The following AFF3 variants were observed in gnomAD, a reference collection of about 807,000 sequenced individuals.
AFF3 encodes the protein AF4/FMR2 family member 3.
Under a neutral mutation model 129.7 loss-of-function variants are expected in AFF3, and 32 were observed. The observed-to-expected ratio is 0.25, with a 90% CI of 0.19 to 0.33. The LOEUF is 0.33. Among genes scored for constraint, AFF3 ranks in the 10% least tolerant of loss-of-function variants. The probability of loss-of-function intolerance (pLI) is 1.00; values close to 1 mark genes in which losing one functional copy is unlikely to be tolerated. For missense variants in AFF3, 1,373 were observed against 1,592.0 expected (o/e 0.86, Z 2.34); for synonymous variants, 644 against 635.4 (o/e 1.01, Z -0.20).
rs1435456796 is a variant in AFF3 at position 99,551,244 on chromosome 2, A to G, written c.*230T>C. 4 of 592,100 alleles carry G rather than the reference A, an allele frequency of 6.8e-6. No homozygotes were observed. The highest frequency in any genetic ancestry group is 1.2e-5 in the Non-Finnish European group (4 of 340,486). 36.7% of individuals were successfully genotyped at this position (592,100 alleles called of 1,614,324 possible). On this transcript the variant is annotated 3_prime_UTR_variant, in exon 25 of 25. Transcript: ENST00000672756. ...TAGCCTGGGATTATGGAAACTAGAC[A>G]AAGAAGGTGTGTTCTGAAGAGCTGT...
chr2:100,041,775 C>T (rs1440363562), intron 4 of AFF3, among the ~76,000 whole-genome samples: 1 of 152,196 alleles, frequency 6.6e-6, no homozygotes, highest in Non-Finnish European at 1.5e-5. Context: ...TTCATTGACT[C>T]ATTTTGCATA....
At chr2:99,963,602 G>A (rs1197607034) in intron 7 of AFF3, among the ~76,000 whole-genome samples, 3 of 151,430 alleles carry the variant, frequency 2.0e-5, no homozygotes, top group South Asian at 2.1e-4. Flanking sequence ...ACTAAGAAAA[G>A]TATACAAATA....
At chr2:99,786,346 C>T (rs976673036) in intron 8 of AFF3, among the ~76,000 whole-genome samples, 4 of 152,126 alleles carry the variant, frequency 2.6e-5, no homozygotes, top group African/African-American at 9.7e-5. Context: ...ACCATCAGTC[C>T]GCACACACTA....
chr2:99,713,268 A>AT (rs3073380), intron 11 of AFF3, among the ~76,000 whole-genome samples: 139 of 126,290 alleles, frequency 1.1e-3, no homozygotes, highest in South Asian at 6.2e-3. Flanking sequence ...GCCAGAGTTA[A>AT]TTTTTTTTTT....
chr2:100,024,125 G>A (rs373637551), intron 4 of AFF3, among the ~76,000 whole-genome samples: 3,102 of 150,678 alleles, frequency 0.021, 114 homozygotes, highest in African/African-American at 0.072. Flanking sequence ...CCAGCTACTC[G>A]GGAGGCTGAG....
At chr2:99,585,082 G>T (rs1054204602) in intron 16 of AFF3, among the ~76,000 whole-genome samples, 13 of 152,216 alleles carry the variant, frequency 8.5e-5, no homozygotes, top group Admixed American at 8.5e-4. Context: ...ATCAAAAGTT[G>T]CTCATCTAGT....
chr2:99,791,925 T>A (rs529778532), intron 8 of AFF3, among the ~76,000 whole-genome samples: 1 of 152,066 alleles, frequency 6.6e-6, no homozygotes, highest in Non-Finnish European at 1.5e-5. Context: ...TGATGTCCCT[T>A]ATGGAGGAAA....
At position 99,547,863 on chromosome 2, in the gene AFF3, G is replaced by C; in HGVS notation, c.*3611C>G. ...ACACACATCATTGTTGTACATATGAGGATAAGTTTTAGTGCAGAAAGTCTC... is the reference window on the plus strand; with the variant it reads ...ACACACATCATTGTTGTACATATGACGATAAGTTTTAGTGCAGAAAGTCTC... On this transcript the variant is annotated 3_prime_UTR_variant, in exon 25 of 25. Coordinates refer to ENST00000672756, the MANE Select transcript of AFF3 (RefSeq NM_001386135.1). 1 of 213,340 alleles carries C rather than the reference G, an allele frequency of 4.7e-6. No individual in the cohort carries two copies. Among genetic ancestry groups the C allele is most frequent in the East Asian group, 7.1e-5 (1 of 14,068 alleles). The allele number at this position is 213,340 out of a possible 1,614,324, so 13.2% of individuals were successfully genotyped here.
intron 4 of AFF3, among the ~76,000 whole-genome samples, chr2:100,100,529 T>G (rs1309227949): frequency 5.9e-5 from 9 of 152,212 alleles, no homozygotes; most frequent in African/African-American, 2.2e-4. Context: ...AACTCAATTT[T>G]TCCTCTTTCC....
At chr2:100,038,373 T>TA (rs11397703) in intron 4 of AFF3, among the ~76,000 whole-genome samples, 20,572 of 143,240 alleles carry the variant, frequency 0.14, 1,633 homozygotes, top group South Asian at 0.2. Context: ...TTCCTCAAAT[T>TA]AAAAAAAAAA....
intron 4 of AFF3, among the ~76,000 whole-genome samples, chr2:100,020,775 T>C (rs973700764): frequency 5.3e-5 from 8 of 152,240 alleles, no homozygotes; most frequent in Non-Finnish European, 7.3e-5. Flanking sequence ...CAGGCCACCA[T>C]GGGCTCCCTT....
At position 99,966,689 on chromosome 2, in the gene AFF3, C is replaced by CAAAAAAAAAA. The variant is rs61351679; in HGVS notation, c.873+39933_873+39942dup. Among the ~76,000 whole-genome samples, 13 of 36,698 alleles carry CAAAAAAAAAA rather than the reference C, an allele frequency of 3.5e-4. 3 individuals are homozygous for CAAAAAAAAAA. The highest frequency in any genetic ancestry group is 5.9e-4 in the Non-Finnish European group (11 of 18,688). 24.1% of individuals were successfully genotyped at this position (36,698 alleles called of 152,430 possible). ...TGGGCGACAGAGCGAGACTCCGTCTCAAAAAAAAAAAAAAAAAAAAAAAAA... is the reference window on the plus strand; with the variant it reads ...TGGGCGACAGAGCGAGACTCCGTCTCAAAAAAAAAAAAAAAAAAAAAAAAAAAAAAAAAAA... On this transcript the variant is annotated intron_variant, in intron 7 of 24. Transcript: ENST00000672756.
chr2:100,005,468 T>C (rs1394174961), intron 7 of AFF3, among the ~76,000 whole-genome samples: 2 of 152,214 alleles, frequency 1.3e-5, no homozygotes, highest in Non-Finnish European at 2.9e-5. Context: ...CATTTGATGA[T>C]GACGAATCAA....
intron 12 of AFF3, among the ~76,000 whole-genome samples, chr2:99,663,959 A>G (rs753415963): frequency 3.3e-5 from 5 of 152,154 alleles, no homozygotes; most frequent in Non-Finnish European, 7.3e-5. Context: ...CAACCTCCCA[A>G]GCTTACCCTG....
At chr2:99,764,844 T>G (rs1403338015) in intron 8 of AFF3, among the ~76,000 whole-genome samples, 5 of 152,136 alleles carry the variant, frequency 3.3e-5, no homozygotes, top group African/African-American at 1.2e-4. Flanking sequence ...TTTCTGGCAC[T>G]CCTTCAAATC....
chr2:99,646,591 G>C lies in AFF3; in HGVS notation c.1184+3035C>G, dbSNP rs373403958. 6.6e-5 allele frequency among the ~76,000 whole-genome samples: 10 copies of C among 152,248 alleles called. No individual in the cohort carries two copies. The East Asian group carries it at 1.2e-3, about 18-fold the overall frequency. The stretch of plus-strand genomic sequence containing the variant: ...GGCTCCAAGTAGCCAGAGATATTGG[G>C]CCTAGAACCCCACTTTGGGATATTC... On this transcript the variant is annotated intron_variant, in intron 13 of 24. Transcript: ENST00000672756.
intron 2 of AFF3, among the ~76,000 whole-genome samples, chr2:100,108,183 G>T (rs1691385765): frequency 6.6e-6 from 1 of 150,728 alleles, no homozygotes; most frequent in Non-Finnish European, 1.5e-5. Context: ...CTGTATCCAG[G>T]GATTGCAGGA....
chr2:99,786,873 A>G (rs537752913), intron 8 of AFF3, among the ~76,000 whole-genome samples: 1 of 152,246 alleles, frequency 6.6e-6, no homozygotes, highest in African/African-American at 2.4e-5. Context: ...CATTAGTACG[A>G]GTATTTTTAT....
chr2:99,604,720 AG>A (rs1406764414), intron 13 of AFF3, among the ~76,000 whole-genome samples: 3 of 152,192 alleles, frequency 2.0e-5, no homozygotes, highest in Non-Finnish European at 4.4e-5. Flanking sequence ...ATGGCTCAAA[AG>A]CTTCCTTGTT....
Sources: gnomAD v4.1 joint callset for allele counts (sites outside exome capture counted in the v4.1 genomes callset) on GRCh38, gnomAD v4.1.1 for gene constraint, MANE v1.5 for transcripts, NCBI Gene and HGNC (gene_info 2026-07-23, HGNC 2026-07-21) for gene names.